The following LINGO2 variants were observed in gnomAD, a reference collection of about 807,000 sequenced individuals.
LINGO2 encodes the protein leucine rich repeat and Ig domain containing 2, also known as leucine-rich repeat and immunoglobulin-like domain-containing nogo receptor-interacting protein 2.
Under a neutral mutation model 30.6 loss-of-function variants are expected in LINGO2, and 14 were observed. That is an observed-to-expected ratio of 0.46 (90% CI 0.30 to 0.72). The LOEUF (loss-of-function observed/expected upper bound fraction) is 0.72, where lower values mean the gene tolerates loss of function less well. LINGO2 is among the 30% of genes least tolerant of loss of function. The pLI, the probability that LINGO2 is intolerant of heterozygous loss-of-function variation, is 0.07. For missense variants in LINGO2, 729 were observed against 751.7 expected (o/e 0.97, Z 0.35); for synonymous variants, 317 against 288.5 (o/e 1.10, Z -1.00).
intron 3 of LINGO2, among the ~76,000 whole-genome samples, chr9:28,361,124 C>A (rs1483713004): frequency 2.6e-5 from 4 of 152,148 alleles, no homozygotes; most frequent in African/African-American, 9.7e-5. Flanking sequence ...GTGCTACCTG[C>A]CTGTTAGTCA....
At chr9:28,002,967 C>G (rs1412448468) in intron 5 of LINGO2, among the ~76,000 whole-genome samples, 1 of 152,080 alleles carries the variant, frequency 6.6e-6, no homozygotes, top group African/African-American at 2.4e-5. Flanking sequence ...TAGTTGCTCT[C>G]TTGAGTGTGA....
Position 28,129,088 on chromosome 9 carries a change from G to A in LINGO2, c.-86-116683C>T, listed in dbSNP as rs1020446920. Among the ~76,000 whole-genome samples, 1 of 152,110 alleles carries A rather than the reference G, an allele frequency of 6.6e-6. No homozygotes were observed. The highest frequency in any genetic ancestry group is 2.4e-5 in the African/African-American group (1 of 41,422). The stretch of plus-strand genomic sequence containing the variant: ...CGGAGTCTTGGACTTAACACCAGAG[G>A]TTTGCCAGAGGCTCTCAGGCCTTTG... On this transcript the variant is annotated intron_variant, in intron 4 of 5. Coordinates refer to ENST00000379992, the Ensembl canonical transcript of LINGO2. This position sits in a 1 kb window ranked among gnomAD's most constrained non-coding sequence, Gnocchi z 4.0.
At chr9:28,928,193 T>G in the LINGO2 span, among the ~76,000 whole-genome samples, 2 of 152,244 alleles carry the variant, frequency 1.3e-5, no homozygotes, top group South Asian at 2.1e-4. Context: ...CTTAGAAAAC[T>G]TTACTGAAGC....
chr9:28,731,326 A>G, the LINGO2 span, among the ~76,000 whole-genome samples: 1 of 152,072 alleles, frequency 6.6e-6, no homozygotes, highest in African/African-American at 2.4e-5. Context: ...TGGTTAAACA[A>G]TCTGTGGTAC....
intron 1 of LINGO2, among the ~76,000 whole-genome samples, chr9:28,651,802 A>G (rs533245371): frequency 6.6e-6 from 1 of 152,260 alleles, no homozygotes; most frequent in East Asian, 1.9e-4. Context: ...ATATTTATGA[A>G]GTTATCCATT....
the LINGO2 span, among the ~76,000 whole-genome samples, chr9:28,708,470 CTG>C: frequency 2.7e-4 from 41 of 152,170 alleles, no homozygotes; most frequent in African/African-American, 9.4e-4. Flanking sequence ...ATACCTGAAA[CTG>C]TATAAGCAGT....
chr9:29,172,838 ATTCT>A, the LINGO2 span, among the ~76,000 whole-genome samples: 2 of 152,040 alleles, frequency 1.3e-5, no homozygotes, highest in Admixed American at 1.3e-4. Context: ...TAAATTTGAT[ATTCT>A]TTTTCTGCTG....
At chr9:28,749,591 A>C in the LINGO2 span, among the ~76,000 whole-genome samples, 7 of 151,364 alleles carry the variant, frequency 4.6e-5, no homozygotes, top group East Asian at 1.4e-3. Context: ...GAGTTTAATC[A>C]GCATTTATAA....
chr9:28,791,466 T>C, the LINGO2 span, among the ~76,000 whole-genome samples: 1 of 152,084 alleles, frequency 6.6e-6, no homozygotes, highest in African/African-American at 2.4e-5. Context: ...ATAAAGGAGA[T>C]ATTGTAAATT....
At chr9:28,306,687 C>T (rs1824373032) in intron 3 of LINGO2, among the ~76,000 whole-genome samples, 1 of 151,990 alleles carries the variant, frequency 6.6e-6, no homozygotes, top group Admixed American at 6.6e-5. Context: ...GCTAGCAAGA[C>T]TAACAAAGAA....
the LINGO2 span, among the ~76,000 whole-genome samples, chr9:28,734,216 T>A: frequency 6.6e-6 from 1 of 152,116 alleles, no homozygotes; most frequent in Admixed American, 6.5e-5. Flanking sequence ...ACCACGACAG[T>A]CAAGCTGATA....
chr9:28,264,626 GA>G (rs1216805949), intron 4 of LINGO2, among the ~76,000 whole-genome samples: 2 of 151,840 alleles, frequency 1.3e-5, no homozygotes, highest in African/African-American at 2.4e-5. Flanking sequence ...GCATGCTATG[GA>G]AAAGCATGGG....
chr9:29,205,061 T>A, the LINGO2 span, among the ~76,000 whole-genome samples: 1 of 152,126 alleles, frequency 6.6e-6, no homozygotes, highest in African/African-American at 2.4e-5. Context: ...ATATGGTTTT[T>A]CTTTTTCTTT....
At chr9:28,612,650 T>C (rs1335318070) in intron 1 of LINGO2, among the ~76,000 whole-genome samples, 2 of 152,174 alleles carry the variant, frequency 1.3e-5, no homozygotes, top group East Asian at 1.9e-4. Flanking sequence ...TTTATTCCCA[T>C]TGTATCTAGC....
intron 4 of LINGO2, among the ~76,000 whole-genome samples, chr9:28,208,298 G>A (rs1820478520): frequency 6.6e-6 from 1 of 152,126 alleles, no homozygotes; most frequent in Admixed American, 6.6e-5. Flanking sequence ...GTGGGGTGGG[G>A]GAGGAGAACT....
the LINGO2 span, among the ~76,000 whole-genome samples, chr9:28,736,366 G>A: frequency 6.6e-6 from 1 of 152,166 alleles, no homozygotes; most frequent in Non-Finnish European, 1.5e-5. Flanking sequence ...GTGCTTAGGA[G>A]TCAGAACGGT....
the LINGO2 span, among the ~76,000 whole-genome samples, chr9:28,775,351 C>T: frequency 6.6e-6 from 1 of 152,282 alleles, no homozygotes; most frequent in East Asian, 1.9e-4. Flanking sequence ...ATTTGTGAAT[C>T]TCACTGCTAT....
At chr9:29,128,590 G>C in the LINGO2 span, among the ~76,000 whole-genome samples, 1 of 152,044 alleles carries the variant, frequency 6.6e-6, no homozygotes, top group Non-Finnish European at 1.5e-5. Flanking sequence ...CTCTCCTTTG[G>C]TGCTGTTTGG....
chr9:28,224,912 A>G (rs563480045), intron 4 of LINGO2, among the ~76,000 whole-genome samples: 12 of 152,292 alleles, frequency 7.9e-5, no homozygotes, highest in African/African-American at 2.9e-4. Context: ...AGCAACATAA[A>G]AACAGACACA....
Sources: allele counts gnomAD v4.1 joint callset (sites outside exome capture counted in the v4.1 genomes callset), GRCh38; gene constraint gnomAD v4.1.1; non-coding constraint Gnocchi (gnomAD v3.1); transcripts MANE v1.5; gene names NCBI Gene and HGNC (gene_info 2026-07-23, HGNC 2026-07-21).